The following SPAG11B variants were observed in gnomAD, a reference collection of about 807,000 sequenced individuals.
SPAG11B encodes the protein sperm associated antigen 11B, also known as sperm-associated antigen 11B.
Under a neutral mutation model 8.9 loss-of-function variants are expected in SPAG11B, and 5 were observed. The ratio of observed to expected loss-of-function variants is 0.56; its 90% CI spans 0.29 to 1.19. SPAG11B has a LOEUF of 1.19. SPAG11B is among the 50% of genes most tolerant of loss of function. The pLI is 0.08. For missense variants in SPAG11B, 38 were observed against 146.4 expected (o/e 0.26, Z 3.82); for synonymous variants, 12 against 53.0 (o/e 0.23, Z 3.36).
intron 2 of SPAG11B, among the ~76,000 whole-genome samples, chr8:7,453,749 G>A (rs1810331653): frequency 6.8e-6 from 1 of 147,888 alleles, no homozygotes; most frequent in African/African-American, 2.6e-5. Flanking sequence ...CAGGGGCTGG[G>A]TGTTCATTTT....
chr8:7,453,958 CTAAG>C, intron 2 of SPAG11B, among the ~76,000 whole-genome samples: 1 of 146,628 alleles, frequency 6.8e-6, no homozygotes, highest in Non-Finnish European at 1.5e-5. Context: ...TAGCTATGTA[CTAAG>C]TAATTGTAAA....
At chr8:7,451,338 G>A in intron 2 of SPAG11B, 2 of 676,206 alleles carry the variant, frequency 3.0e-6, no homozygotes, top group Non-Finnish European at 4.7e-6. Flanking sequence ...CAACGAAAAG[G>A]AGAAAATAAA....
intron 2 of SPAG11B, among the ~76,000 whole-genome samples, chr8:7,458,674 T>TA (rs750698777): frequency 0.082 from 6,654 of 81,350 alleles, 118 homozygotes; most frequent in African/African-American, 0.15. Flanking sequence ...CCAAAAATAG[T>TA]AAAAAAAAAA....
Position 7,450,856 on chromosome 8 carries a change from G to C in SPAG11B, c.259C>G (p.Gln87Glu), listed in dbSNP as rs781707776. ...CAGAAAAAAAGTCTGCAGATCCCTT[G>C]CTGCATATGGCAGATGGTATTTCTA... ...GIRNTICHMQ[Q>E]GICRLFFCHS... The change falls in exon 3 of 3, where the codon CAA becomes GAA. Residue 87 changes from glutamine to glutamate, a missense_variant. Physicochemically the swap from Gln to Glu is conservative, Grantham distance 29 (BLOSUM62 2). Around this residue, in one of 3 missense-constraint regions of SPAG11B, gnomAD observed 29 missense variants for 28.0 expected, o/e 1.03. Transcript: ENST00000398462. The C allele has an allele frequency of 1.9e-6, 3 of 1,556,252 alleles. No individual in the cohort carries two copies. The highest frequency in any genetic ancestry group is 2.9e-5 in the African/African-American group (2 of 68,862).
chr8:7,450,051 T>A (rs553507717), downstream of SPAG11B, among the ~76,000 whole-genome samples: 1 of 124,428 alleles, frequency 8.0e-6, no homozygotes, highest in Admixed American at 8.6e-5. Flanking sequence ...TTTAGAAGGA[T>A]CATAGAAGAA....
intron 2 of SPAG11B, among the ~76,000 whole-genome samples, chr8:7,453,851 C>T (rs1310929602): frequency 1.3e-5 from 2 of 149,158 alleles, no homozygotes; most frequent in Admixed American, 6.6e-5. Context: ...GCAAAATCAC[C>T]TTTGAAGTTA....
chr8:7,459,409 A>G (rs1156455053), intron 2 of SPAG11B, among the ~76,000 whole-genome samples: 2 of 143,458 alleles, frequency 1.4e-5, no homozygotes, highest in Admixed American at 1.4e-4. Flanking sequence ...CGGATATACC[A>G]AAGAAATATC....
downstream of SPAG11B, among the ~76,000 whole-genome samples, chr8:7,448,957 C>T (rs1448871579): frequency 7.0e-6 from 1 of 142,054 alleles, no homozygotes; most frequent in African/African-American, 2.7e-5. Flanking sequence ...ATGACATTTT[C>T]CACAATTTAG....
At chr8:7,451,093 G>C in intron 2 of SPAG11B, 193 bp from the exon 3 acceptor site, 5 of 1,526,340 alleles carry the variant, frequency 3.3e-6, no homozygotes, top group Non-Finnish European at 4.5e-6. Flanking sequence ...GTTGCCAGGA[G>C]GATGATAGGG....
rs1180846854 is a variant in SPAG11B at position 7,459,597 on chromosome 8, T to C, written c.214+3110A>G. Among the ~76,000 whole-genome samples, 16 of 147,694 alleles carry C rather than the reference T, an allele frequency of 1.1e-4. No individual in the cohort carries two copies. In the South Asian group the frequency reaches 2.5e-3, roughly 23 times the overall value. On this transcript the variant is annotated intron_variant, in intron 2 of 2. Transcript: ENST00000398462. The stretch of plus-strand genomic sequence containing the variant: ...AATTAATTGGTAAGGAAGTCCCAAC[T>C]CCTAGCTTCTCCCTGAGGAGTGAAG...
At chr8:7,448,786 C>CCCCTTCCCTTCTCTTCCCTT (rs1675171810), downstream of SPAG11B, among the ~76,000 whole-genome samples, 1 of 127,096 alleles carries the variant, frequency 7.9e-6, no homozygotes, top group Non-Finnish European at 1.7e-5. Flanking sequence ...CCCCTCTCCT[C>CCCCTTCCCTTCTCTTCCCTT]CCCTTCCCTT....
chr8:7,448,748 C>T (rs1310812785), downstream of SPAG11B, among the ~76,000 whole-genome samples: 3 of 131,552 alleles, frequency 2.3e-5, no homozygotes, highest in African/African-American at 5.8e-5. Context: ...CAGGAGCCTG[C>T]ACCGCCTTCC....
intron 2 of SPAG11B, among the ~76,000 whole-genome samples, chr8:7,453,089 G>A (rs1357442090): frequency 7.0e-5 from 10 of 143,370 alleles, no homozygotes; most frequent in South Asian, 2.2e-4. Context: ...GAAGTTATCC[G>A]CTGTCGGAGG....
chr8:7,462,619 CG>C, intron 2 of SPAG11B, 87 bp downstream of exon 2: 1 of 1,276,968 alleles, frequency 7.8e-7, no homozygotes. Context: ...TCACCCACCC[CG>C]ACCAGCACAG....
At chr8:7,449,878 T>C (rs1430928800), downstream of SPAG11B, among the ~76,000 whole-genome samples, 2 of 137,684 alleles carry the variant, frequency 1.5e-5, no homozygotes, top group East Asian at 2.0e-4. Context: ...CGTTTGTTTT[T>C]ATTATTTTTT....
At chr8:7,448,984 GGTC>G (rs1466720281), downstream of SPAG11B, 1 of 325,306 alleles carries the variant, frequency 3.1e-6, no homozygotes, top group Non-Finnish European at 6.0e-6. Flanking sequence ...CCAGGCCCAG[GGTC>G]CACCTTAAAA....
At chr8:7,450,940 T>C (rs1471402917) in intron 2 of SPAG11B, 40 bp from the exon 3 acceptor site, 6 of 1,548,128 alleles carry the variant, frequency 3.9e-6, no homozygotes, top group Non-Finnish European at 4.4e-6. Context: ...TTAACTCATA[T>C]AGTGCAGAGA....
chr8:7,453,445 T>C (rs1275417255), intron 2 of SPAG11B, among the ~76,000 whole-genome samples: 3 of 148,582 alleles, frequency 2.0e-5, no homozygotes, highest in African/African-American at 7.7e-5. Flanking sequence ...TCCAGAGGTG[T>C]CCCATGTGTA....
rs1462267476 is a variant in SPAG11B, at chr8:7,458,962, G to A, written c.214+3745C>T. On this transcript the variant is annotated intron_variant, in intron 2 of 2. Coordinates refer to ENST00000398462, the MANE Select transcript of SPAG11B (RefSeq NM_058201.4). Reference sequence around the variant, plus strand: ...GCCTGTAATTCCAGCACTTCGGGAGGCCGACGCGGACAGATCACCTGAGGT... The same window carrying A: ...GCCTGTAATTCCAGCACTTCGGGAGACCGACGCGGACAGATCACCTGAGGT... Among the ~76,000 whole-genome samples the A allele has an allele frequency of 1.1e-4, 10 of 88,588 alleles. 2 individuals carry two copies. The highest frequency in any genetic ancestry group is 2.0e-4 in the Non-Finnish European group (10 of 49,688). 58.1% of individuals were successfully genotyped at this position (88,588 alleles called of 152,430 possible).
Sources: allele counts gnomAD v4.1 joint callset (sites outside exome capture counted in the v4.1 genomes callset), GRCh38; gene constraint gnomAD v4.1.1; regional missense constraint gnomAD v4.1.1; transcripts MANE v1.5; gene names NCBI Gene and HGNC (gene_info 2026-07-23, HGNC 2026-07-21).